The following SLC47A1 variants were observed in gnomAD, a reference collection of about 807,000 sequenced individuals.
SLC47A1 encodes the protein multidrug and toxin extrusion protein 1.
In SLC47A1, 58 loss-of-function variants were observed where a neutral mutation model predicts 65.8. The observed-to-expected ratio is 0.88, with a 90% CI of 0.71 to 1.10. The LOEUF is 1.10. Among genes scored for constraint, SLC47A1 ranks in the 50% least tolerant of loss-of-function variants. SLC47A1 has a pLI of 0.00. For missense variants in SLC47A1, 706 were observed against 719.2 expected (o/e 0.98, Z 0.21); for synonymous variants, 285 against 295.0 (o/e 0.97, Z 0.35).
At chr17:19,568,754 C>T in intron 14 of SLC47A1, among the ~76,000 whole-genome samples, 1 of 152,190 alleles carries the variant, frequency 6.6e-6, no homozygotes, top group South Asian at 2.1e-4. Flanking sequence ...ACTTATTCTT[C>T]CTGTCTATCA....
intron 4 of SLC47A1, among the ~76,000 whole-genome samples, chr17:19,549,143 G>T (rs766210532): frequency 2.6e-5 from 4 of 151,936 alleles, no homozygotes. Flanking sequence ...ATCAAGAAAG[G>T]TTATCAGGGT....
chr17:19,543,265 A>ACACT, intron 2 of SLC47A1, among the ~76,000 whole-genome samples: 1 of 151,474 alleles, frequency 6.6e-6, no homozygotes, highest in African/African-American at 2.4e-5. Flanking sequence ...GCCTGCCACC[A>ACACT]TGTCTGGCTA....
intron 12 of SLC47A1, among the ~76,000 whole-genome samples, chr17:19,561,212 C>T (rs190733628): frequency 8.1e-4 from 121 of 149,810 alleles, no homozygotes; most frequent in African/African-American, 2.7e-3. Flanking sequence ...GAGCCAAGAT[C>T]GTGCCACTGC....
chr17:19,558,233 C>T (rs1057393893), intron 10 of SLC47A1, among the ~76,000 whole-genome samples: 3 of 152,174 alleles, frequency 2.0e-5, no homozygotes, highest in Non-Finnish European at 4.4e-5. Flanking sequence ...GTTCCTTCGT[C>T]TTTCTTGACC....
intron 6 of SLC47A1, among the ~76,000 whole-genome samples, chr17:19,553,545 CTTTTTTTT>C (rs144325967): frequency 7.5e-6 from 1 of 133,626 alleles, no homozygotes; most frequent in Admixed American, 7.6e-5. Context: ...TTCTTTCTTC[CTTTTTTTT>C]TTTTTTTTTT....
intron 5 of SLC47A1, among the ~76,000 whole-genome samples, chr17:19,550,695 C>T (rs1233091051): frequency 6.6e-6 from 1 of 152,170 alleles, no homozygotes; most frequent in South Asian, 2.1e-4. Context: ...ATACCACACA[C>T]TAGGGAGCTT....
intron 11 of SLC47A1, 37 bp from the exon 12 acceptor site, chr17:19,560,380 GT>G (rs2084299523): frequency 6.2e-7 from 1 of 1,613,098 alleles, no homozygotes; most frequent in African/African-American, 1.3e-5. Context: ...GGATCTTCTT[GT>G]TCACTGTGTT....
chr17:19,576,962 G>A (rs1412341661), intron 16 of SLC47A1, among the ~76,000 whole-genome samples: 1 of 152,102 alleles, frequency 6.6e-6, no homozygotes. Context: ...GGTCAGGCTG[G>A]TCTCTAACTC....
chr17:19,544,751 A>G (rs947666691), intron 2 of SLC47A1, among the ~76,000 whole-genome samples: 1 of 152,252 alleles, frequency 6.6e-6, no homozygotes, highest in Non-Finnish European at 1.5e-5. Flanking sequence ...TCCCGGAAGA[A>G]GTGTCCCTGA....
chr17:19,555,775 ATG>A lies in SLC47A1; in HGVS notation c.740-13_740-12del. ...AGCCCGATGGCCAGATCTCCTGGAAATGTGTGTGTCCCCCCCACAGGCTGGTC... is the reference window on the plus strand; with the variant it reads ...AGCCCGATGGCCAGATCTCCTGGAAATGTGTGTCCCCCCCACAGGCTGGTC... On this transcript the variant is annotated intron_variant, in intron 8 of 16. Coordinates refer to ENST00000270570, the MANE Select transcript of SLC47A1 (RefSeq NM_018242.3). 2 of 1,613,120 alleles carry A rather than the reference ATG, an allele frequency of 1.2e-6. No homozygotes were observed. Among genetic ancestry groups the A allele is most frequent in the Non-Finnish European group, 1.7e-6 (2 of 1,179,684 alleles).
At chr17:19,549,768 CT>C in intron 5 of SLC47A1, 91 bp downstream of exon 5, 1 of 1,358,382 alleles carries the variant, frequency 7.4e-7, no homozygotes, top group Non-Finnish European at 1.1e-6. Context: ...TTGGCTCAGT[CT>C]TAGATGATTC....
Position 19,546,435 on chromosome 17 carries a change from G to T in SLC47A1, c.238G>T (p.Val80Phe), listed in dbSNP as rs759270335. The change falls in exon 3 of 17, where the codon GTT (valine) becomes TTT (phenylalanine). Residue 80 changes from valine to phenylalanine, a missense_variant and splice_region_variant. Physicochemically the swap from Val to Phe is conservative, Grantham distance 50 (BLOSUM62 -1). Coordinates refer to ENST00000270570, the MANE Select transcript of SLC47A1 (RefSeq NM_018242.3). ...ELDAVTLAIAVINVTGVSVGF... is the reference protein window; with the variant it reads ...ELDAVTLAIAFINVTGVSVGF... ...GCCTTATCTTTGGGTTTATTTGCAG[G>T]TTATCAATGTCACTGGTGTCTCAGT... The T allele has an allele frequency of 1.9e-5, 30 of 1,613,574 alleles. No individual in the cohort carries two copies. Among genetic ancestry groups the T allele is most frequent in the Non-Finnish European group, 2.5e-5 (30 of 1,179,922 alleles).
Position 19,534,123 on chromosome 17 carries a change from C to G in SLC47A1, c.135+49C>G. 4.1e-6 allele frequency: 6 copies of G among 1,462,932 alleles called. No individual in the cohort carries two copies. The South Asian group carries it at 7.9e-5, about 19-fold the overall frequency. The allele number at this position is 1,462,932 out of a possible 1,614,324, so 90.6% of individuals were successfully genotyped here. A position where few individuals can be genotyped will look rare whatever the true frequency, so the allele number is the denominator to read the frequency against. On this transcript the variant is annotated intron_variant, in intron 1 of 16. Transcript: ENST00000270570. ...AGGCCGGTACCGGCGGGCTGGGGAC[C>G]TGGTGATTTCTGCCTCCGCGGGTGA...
intron 1 of SLC47A1, among the ~76,000 whole-genome samples, chr17:19,540,573 C>A (rs545015428): frequency 3.9e-5 from 6 of 152,184 alleles, no homozygotes; most frequent in Non-Finnish European, 7.3e-5. Context: ...TCGTGTGGCA[C>A]CATTACAGGC....
At chr17:19,574,203 G>A (rs930254377) in intron 16 of SLC47A1, among the ~76,000 whole-genome samples, 5 of 152,034 alleles carry the variant, frequency 3.3e-5, no homozygotes, top group African/African-American at 9.7e-5. Flanking sequence ...GATTACAGGC[G>A]TGAGCCACCA....
intron 14 of SLC47A1, among the ~76,000 whole-genome samples, chr17:19,568,733 T>C (rs182676593): frequency 1.3e-5 from 2 of 152,238 alleles, no homozygotes; most frequent in Admixed American, 1.3e-4. Flanking sequence ...TGGTGTGCAA[T>C]TGATCTCAAA....
At chr17:19,536,967 C>T (rs958811918) in intron 1 of SLC47A1, among the ~76,000 whole-genome samples, 3 of 152,180 alleles carry the variant, frequency 2.0e-5, no homozygotes, top group Admixed American at 1.3e-4. Flanking sequence ...TCAAAAGATG[C>T]GTCCATTTTA....
At chr17:19,553,525 C>A (rs1916513625) in intron 6 of SLC47A1, among the ~76,000 whole-genome samples, 1 of 148,444 alleles carries the variant, frequency 6.7e-6, no homozygotes, top group South Asian at 2.2e-4. Context: ...ATGCCACCAC[C>A]TGAATTCATT....
chr17:19,551,462 CA>C lies in SLC47A1; in HGVS notation c.539del (p.Asn180ThrfsTer10). 6.2e-7 allele frequency: 1 copy of C among 1,609,816 alleles called. No individual in the cohort carries two copies. Among genetic ancestry groups the C allele is most frequent in the Non-Finnish European group, 8.5e-7 (1 of 1,176,074 alleles). Reference sequence around the variant, plus strand: ...ATATGTTACAAGTTAAATATTTGCTCAACCAGGTAATACTGACTGTTCTCTT... The same window carrying C: ...ATATGTTACAAGTTAAATATTTGCTCACCAGGTAATACTGACTGTTCTCTT... ...LYMLQVKYLL[N>X]QGIVLPQIVT... On this transcript the variant is annotated frameshift_variant, in exon 6 of 17. Transcript: ENST00000270570. LOFTEE classifies it high-confidence loss of function.
Sources: allele counts gnomAD v4.1 joint callset (sites outside exome capture counted in the v4.1 genomes callset), GRCh38; gene constraint gnomAD v4.1.1; transcripts MANE v1.5; gene names NCBI Gene and HGNC (gene_info 2026-07-23, HGNC 2026-07-21).